The following SLC38A7 variants were observed in gnomAD, a reference collection of about 807,000 sequenced individuals.
SLC38A7 encodes sodium-coupled neutral amino acid transporter 7.
A neutral mutation model predicts 50.1 loss-of-function variants in SLC38A7; 29 were observed. The ratio of observed to expected loss-of-function variants is 0.58; its 90% CI spans 0.43 to 0.79. SLC38A7 has a LOEUF of 0.79. Among genes scored for constraint, SLC38A7 ranks in the 30% least tolerant of loss-of-function variants. The pLI is 0.00. For synonymous variants in SLC38A7, 244 were observed against 245.9 expected, an observed-to-expected ratio of 0.99 and a Z score of 0.07; for missense variants, 483 against 610.6, an observed-to-expected ratio of 0.79 and a Z score of 2.20.
In SLC38A7 at chr16:58,672,110, C is replaced by A. The variant is rs1183093981; in HGVS notation, c.1017G>T (p.Leu339=). 3.0e-5 allele frequency: 47 copies of A among 1,557,838 alleles called. No individual in the cohort carries two copies. Among genetic ancestry groups the A allele is most frequent in the Non-Finnish European group, 4.0e-5 (46 of 1,150,898 alleles). Reference sequence around the variant, plus strand: ...AGGGGGCTCACCGCCCACAGAAGTGCAGGATAGGGTAGGAGGTGAGCACGC... The same window carrying A: ...AGGGGGCTCACCGCCCACAGAAGTGAAGGATAGGGTAGGAGGTGAGCACGC... ...ILSVLTSYPI[L]HFCGRAVVEG... is the part of the protein sequence containing the mutation. Residue 339 remains leucine, a synonymous_variant, in exon 9 of 12, where the codon CTG becomes CTT. Coordinates refer to ENST00000219320, the MANE Select transcript of SLC38A7 (RefSeq NM_018231.3).
chr16:58,671,008 C>A, intron 10 of SLC38A7, 37 bp downstream of exon 10: 2 of 1,555,998 alleles, frequency 1.3e-6, no homozygotes, highest in Non-Finnish European at 1.7e-6. Flanking sequence ...GGAGTCTGTG[C>A]TGTGGGGCTG....
Position 58,675,926 on chromosome 16 carries a change from G to GC in SLC38A7, c.883+13_883+14insG, listed in dbSNP as rs775599391. The GC allele has an allele frequency of 1.4e-5, 23 of 1,589,784 alleles. No homozygotes were observed. The highest frequency in any genetic ancestry group is 5.6e-5 in the South Asian group (5 of 88,710). Reference sequence around the variant, plus strand: ...GCACTCTAGTCCCAGGTCTTGGGGGGGGGGAGCACTCACCTGTCCCCATGT... The same window carrying GC: ...GCACTCTAGTCCCAGGTCTTGGGGGGCGGGGAGCACTCACCTGTCCCCATGT... On this transcript the variant is annotated intron_variant, in intron 8 of 11. Coordinates refer to ENST00000219320, the MANE Select transcript of SLC38A7 (RefSeq NM_018231.3).
At chr16:58,670,086 A>G (rs375100337) in intron 11 of SLC38A7, 27 bp downstream of exon 11, 90 of 1,612,684 alleles carry the variant, frequency 5.6e-5, no homozygotes, top group Non-Finnish European at 7.5e-5. Context: ...CCTCCCTGAG[A>G]GGATCAAGGG....
At chr16:58,668,442 C>G (rs9673706) in intron 11 of SLC38A7, among the ~76,000 whole-genome samples, 32,300 of 152,012 alleles carry the variant, frequency 0.21, 4,939 homozygotes, top group African/African-American at 0.43. Context: ...AGGCATGGTG[C>G]TGCGCACCTG....
intron 11 of SLC38A7, among the ~76,000 whole-genome samples, chr16:58,669,803 C>T (rs1036658913): frequency 4.7e-5 from 6 of 128,470 alleles, no homozygotes; most frequent in South Asian, 2.8e-4. Context: ...GGTGAAACCT[C>T]GTCTCTACTA....
rs369038922 is a variant in SLC38A7, at chr16:58,679,883, C to T, written c.244G>A (p.Val82Met). The T allele has an allele frequency of 1.4e-5, 22 of 1,613,778 alleles. No homozygotes were observed. Among genetic ancestry groups the T allele is most frequent in the African/African-American group, 6.7e-5 (5 of 74,930 alleles). Residue 82 changes from valine to methionine, a missense_variant, in exon 3 of 12, where the codon GTG becomes ATG. By Grantham distance (21) the Val-to-Met change is conservative. Transcript: ENST00000219320. ...FPAAFSTAGG[V>M]AAGIALQMGM... ...ATCTGCAGTGCGATGCCTGCTGCCA[C>T]GCCCCCCGCAGTGCTGAAGGCTGCT...
At position 58,678,511 on chromosome 16, in the gene SLC38A7, C is replaced by T. The variant is rs1462535988; in HGVS notation, c.470-37G>A. On this transcript the variant is annotated intron_variant, in intron 4 of 11. Coordinates refer to ENST00000219320, the MANE Select transcript of SLC38A7 (RefSeq NM_018231.3). The surrounding 1 kb of genome is among the most constrained non-coding windows in gnomAD (Gnocchi z 4.0). ...GGAAGGAGGGAATGTCAAGCCAGGC[C>T]ACCATGGGGTGTGGCCCTCCTGCTC... The T allele has an allele frequency of 1.2e-5, 18 of 1,543,330 alleles. No homozygotes were observed. In the East Asian group the frequency reaches 3.4e-4, roughly 29 times the overall value.
Position 58,677,361 on chromosome 16 carries a change from T to G in SLC38A7, c.675A>C (p.Pro225=). The G allele has an allele frequency of 6.2e-7, 1 of 1,613,766 alleles. No homozygotes were observed. The highest frequency in any genetic ancestry group is 8.5e-7 in the Non-Finnish European group (1 of 1,179,942). Residue 225 remains proline (P), a synonymous_variant, in exon 6 of 12, where the codon CCA becomes CCC. Coordinates refer to ENST00000219320, the MANE Select transcript of SLC38A7 (RefSeq NM_018231.3). ...TGTTCCCTGGGGTCATCTCTTTATC[T>G]GGCCAGATGTACTTGATGATAACGA... ...TAIVIIKYIW[P]DKEMTPGNIL... is the part of the protein sequence containing the mutation.
At chr16:58,679,798 CT>C in intron 3 of SLC38A7, 58 bp downstream of exon 3, 2 of 1,606,806 alleles carry the variant, frequency 1.2e-6, no homozygotes, top group South Asian at 1.1e-5. Flanking sequence ...CGAAGCCTCC[CT>C]TTTGAGGCAA....
chr16:58,683,054 T>G (rs1488484442), intron 2 of SLC38A7, among the ~76,000 whole-genome samples: 1 of 151,958 alleles, frequency 6.6e-6, no homozygotes, highest in Non-Finnish European at 1.5e-5. Context: ...GTTTAAATTT[T>G]CTGTAGAGAT....
intron 9 of SLC38A7, 174 bp downstream of exon 9, chr16:58,671,922 A>G: frequency 1.5e-6 from 1 of 658,568 alleles, no homozygotes; most frequent in Non-Finnish European, 2.4e-6. Context: ...CCCAGGACAA[A>G]GGGCGCTTCT....
chr16:58,676,798 C>A (rs1311080729), intron 6 of SLC38A7, among the ~76,000 whole-genome samples: 3 of 152,070 alleles, frequency 2.0e-5, no homozygotes, highest in African/African-American at 7.2e-5. Flanking sequence ...ACTACAGGCG[C>A]CTGCCACCAC....
intron 2 of SLC38A7, among the ~76,000 whole-genome samples, chr16:58,682,724 C>CG (rs2152085706): frequency 1.3e-5 from 2 of 152,134 alleles, no homozygotes; most frequent in African/African-American, 4.8e-5. Context: ...CTCTGCCTCC[C>CG]GGGTTCAAGA....
chr16:58,679,629 A>T, intron 3 of SLC38A7: 1 of 573,366 alleles, frequency 1.7e-6, no homozygotes, highest in Non-Finnish European at 3.0e-6. Context: ...CACCTAAAAA[A>T]TTAGAGATGT....
At chr16:58,669,089 A>G (rs2044106374) in intron 11 of SLC38A7, among the ~76,000 whole-genome samples, 1 of 106,826 alleles carries the variant, frequency 9.4e-6, no homozygotes, top group African/African-American at 3.6e-5. Context: ...TCTTTTTTAG[A>G]CATGTTTGTA....
At position 58,666,371 on chromosome 16, in the gene SLC38A7, C is replaced by CTTTTTT. The variant is rs5817157; in HGVS notation, c.*1008_*1013dup. On this transcript the variant is annotated 3_prime_UTR_variant, in exon 12 of 12. Coordinates refer to ENST00000219320, the MANE Select transcript of SLC38A7 (RefSeq NM_018231.3). ...CGTGAGCCACTGCGCCCAGCCCTGCCTTTTTTTTTTTTTTTTTTTTTTGTC... is the reference window on the plus strand; with the variant it reads ...CGTGAGCCACTGCGCCCAGCCCTGCCTTTTTTTTTTTTTTTTTTTTTTTTTTTTGTC... The CTTTTTT allele has an allele frequency of 1.4e-4, 14 of 99,970 alleles. 1 individual carries two copies. The highest frequency in any genetic ancestry group is 1.3e-4 in the Non-Finnish European group (7 of 53,844). 6.2% of individuals were successfully genotyped at this position (99,970 alleles called of 1,614,324 possible). A position where few individuals can be genotyped will look rare whatever the true frequency, so the allele number is the denominator to read the frequency against.
rs771769316 is a variant in SLC38A7, at chr16:58,679,940, C to T, written c.187G>A (p.Ala63Thr). The change falls in exon 3 of 12, where the codon GCG (alanine) becomes ACG (threonine). Residue 63 changes from alanine (A) to threonine (T), a missense_variant. Transcript: ENST00000219320. ...TTGAGTAACCCTGCACCCAGGCACG[C>T]GTTGACGACGATGAAGATGGCCCCA... is the stretch of plus-strand genomic sequence containing the variant. ...TLGAIFIVVNACLGAGLLNFP... is the reference protein window; with the variant it reads ...TLGAIFIVVNTCLGAGLLNFP... The T allele has an allele frequency of 1.2e-5, 20 of 1,611,542 alleles. No individual in the cohort carries two copies. In the Admixed American group the frequency reaches 1.7e-4, roughly 13 times the overall value.
chr16:58,672,194 G>C lies in SLC38A7; in HGVS notation c.933C>G (p.Leu311=). 1 of 1,577,140 alleles carries C rather than the reference G, an allele frequency of 6.3e-7. No homozygotes were observed. Among genetic ancestry groups the C allele is most frequent in the Non-Finnish European group, 8.6e-7 (1 of 1,161,576 alleles). ...CCATGTCCTCCGAGGGATAGGACAG[G>C]AGCACGTCAGGATCCACAGCAGCTC... ...TFGAAVDPDV[L]LSYPSEDMAV... The change falls in exon 9 of 12, where the codon CTC becomes CTG. Residue 311 remains leucine, a synonymous_variant. Coordinates refer to ENST00000219320, the MANE Select transcript of SLC38A7 (RefSeq NM_018231.3).
chr16:58,676,199 T>C (rs2044262574), intron 7 of SLC38A7, 90 bp downstream of exon 7: 5 of 1,589,568 alleles, frequency 3.1e-6, no homozygotes, highest in Non-Finnish European at 3.5e-6. Flanking sequence ...ATTTCCTCCA[T>C]TCTGCCTGGG....
Sources: allele counts gnomAD v4.1 joint callset (sites outside exome capture counted in the v4.1 genomes callset), GRCh38; gene constraint gnomAD v4.1.1; non-coding constraint Gnocchi (gnomAD v3.1); transcripts MANE v1.5; gene names NCBI Gene and HGNC (gene_info 2026-07-23, HGNC 2026-07-21).